Variants in SH3PXD2B observed in about 807,000 individuals in gnomAD.
SH3PXD2B encodes the protein SH3 and PX domains 2B.
In SH3PXD2B, 37 loss-of-function variants were observed where a neutral mutation model predicts 73.1. That is an observed-to-expected ratio of 0.51 (90% CI 0.39 to 0.67). The LOEUF (loss-of-function observed/expected upper bound fraction) is 0.67. Ranked by LOEUF, SH3PXD2B falls within the 30% of genes least tolerant of loss-of-function variation. SH3PXD2B has a pLI of 0.00. For missense variants in SH3PXD2B, 1,053 were observed against 1,197.8 expected (o/e 0.88, Z 1.78); for synonymous variants, 457 against 480.5 (o/e 0.95, Z 0.64).
In SH3PXD2B at chr5:172,384,758, G is replaced by A. The variant is rs534887600; in HGVS notation, c.310-2631C>T. Among the ~76,000 whole-genome samples the A allele has an allele frequency of 2.6e-5, 4 of 152,236 alleles. No individual in the cohort carries two copies. In the South Asian group the frequency reaches 6.2e-4, roughly 24 times the overall value. ...GCATTTTGCTTATCATTCACCTGTC[G>A]ATGGACACTTGGGTTGCCAACCCTA... On this transcript the variant is annotated intron_variant, in intron 4 of 12. Transcript: ENST00000311601.
At chr5:172,428,668 A>T (rs1022192919) in intron 1 of SH3PXD2B, among the ~76,000 whole-genome samples, 1 of 152,256 alleles carries the variant, frequency 6.6e-6, no homozygotes, top group African/African-American at 2.4e-5. Context: ...ATAGAGGGAC[A>T]ATCCAGTTAC....
chr5:172,376,004 C>T (rs1160962210), intron 5 of SH3PXD2B, among the ~76,000 whole-genome samples: 1 of 151,764 alleles, frequency 6.6e-6, no homozygotes. Flanking sequence ...CTCTTCATAT[C>T]CTTGACAATA....
chr5:172,368,453 TTA>T (rs773035950), intron 6 of SH3PXD2B, among the ~76,000 whole-genome samples: 25 of 79,996 alleles, frequency 3.1e-4, no homozygotes, highest in Non-Finnish European at 4.5e-4. Flanking sequence ...CTAAGAATGC[TTA>T]TATATATATA....
At chr5:172,349,157 A>G (rs1436016546) in intron 10 of SH3PXD2B, among the ~76,000 whole-genome samples, 1 of 152,286 alleles carries the variant, frequency 6.6e-6, no homozygotes, top group African/African-American at 2.4e-5. Flanking sequence ...CTGCCACAGC[A>G]TGTGAGAAAA....
Position 172,454,356 on chromosome 5 carries a change from C to A in SH3PXD2B, c.-4G>T, listed in dbSNP as rs1357185860. 6.6e-7 allele frequency: 1 copy of A among 1,505,112 alleles called. No homozygotes were observed. The highest frequency in any genetic ancestry group is 8.9e-7 in the Non-Finnish European group (1 of 1,128,330). The allele number at this position is 1,505,112 out of a possible 1,614,324, so 93.2% of individuals were successfully genotyped here. On this transcript the variant is annotated 5_prime_UTR_variant, in exon 1 of 13. Transcript: ENST00000311601. Reference sequence around the variant, plus strand: ...CGATGCTGCGCCGCGGCGGCATGGCCGCTCCTCCGCCCGCAGCGGGCCGAG... The same window carrying A: ...CGATGCTGCGCCGCGGCGGCATGGCAGCTCCTCCGCCCGCAGCGGGCCGAG...
intron 2 of SH3PXD2B, among the ~76,000 whole-genome samples, chr5:172,413,103 C>A (rs894501728): frequency 6.6e-6 from 1 of 152,202 alleles, no homozygotes; most frequent in African/African-American, 2.4e-5. Context: ...GGGTTTACCC[C>A]CTCAATATCA....
Position 172,338,688 on chromosome 5 carries a change from G to C in SH3PXD2B, c.2417C>G (p.Pro806Arg). The C allele has an allele frequency of 6.2e-7, 1 of 1,614,206 alleles. No homozygotes were observed. The highest frequency in any genetic ancestry group is 8.5e-7 in the Non-Finnish European group (1 of 1,180,038). Residue 806 changes from proline to arginine, a missense_variant, in exon 13 of 13, where the codon CCT becomes CGT. By Grantham distance (103) the Pro-to-Arg change is moderately radical. This residue lies in a region of SH3PXD2B where 587 missense variants were observed against 590.7 expected (regional missense o/e 0.99). Transcript: ENST00000311601. The surrounding 1 kb of genome is among the most constrained non-coding windows in gnomAD (Gnocchi z 5.1). ...GCCCCCCAAAGAGTTGGAGAGAAAA[G>C]GTTTGGCTTTTGGAGGGACGAGGAG... ...RALLVPPKAK[P>R]FLSNSLGGQD...
chr5:172,417,187 G>A (rs1007284641), intron 2 of SH3PXD2B, among the ~76,000 whole-genome samples: 3 of 152,184 alleles, frequency 2.0e-5, no homozygotes, highest in Non-Finnish European at 2.9e-5. Context: ...TGCTCTGTTA[G>A]TCTCCATGCA....
At chr5:172,362,913 A>T in intron 6 of SH3PXD2B, 44 bp from the exon 7 acceptor site, 1 of 1,612,932 alleles carries the variant, frequency 6.2e-7, no homozygotes, top group African/African-American at 1.3e-5. Context: ...CCACTCATGC[A>T]TGAAAGAGCA....
chr5:172,364,129 G>T (rs1416420343), intron 6 of SH3PXD2B, among the ~76,000 whole-genome samples: 2 of 152,130 alleles, frequency 1.3e-5, no homozygotes, highest in African/African-American at 4.8e-5. Flanking sequence ...ACAAATAAAT[G>T]AAAAGATAAT....
intron 1 of SH3PXD2B, among the ~76,000 whole-genome samples, chr5:172,434,003 A>G (rs1040933854): frequency 2.6e-5 from 4 of 152,210 alleles, no homozygotes; most frequent in Admixed American, 1.3e-4. Flanking sequence ...ATTTCCAAGC[A>G]GTAACAGCCA....
At chr5:172,349,700 T>C (rs1757115358) in intron 10 of SH3PXD2B, among the ~76,000 whole-genome samples, 1 of 152,170 alleles carries the variant, frequency 6.6e-6, no homozygotes, top group African/African-American at 2.4e-5. Flanking sequence ...ACAGAAAAAG[T>C]AGTAATTCCC....
chr5:172,370,600 G>A (rs754578150), intron 6 of SH3PXD2B, among the ~76,000 whole-genome samples: 9 of 152,184 alleles, frequency 5.9e-5, no homozygotes, highest in African/African-American at 7.2e-5. Flanking sequence ...CTGGGGCCAG[G>A]TCCAAGACTA....
chr5:172,405,008 C>T (rs956367691), intron 3 of SH3PXD2B, among the ~76,000 whole-genome samples: 2 of 152,278 alleles, frequency 1.3e-5, no homozygotes, highest in African/African-American at 4.8e-5. Context: ...GAGGAGCAAA[C>T]GAGGTAATGA....
At chr5:172,414,115 T>C (rs1468889412) in intron 2 of SH3PXD2B, among the ~76,000 whole-genome samples, 1 of 152,118 alleles carries the variant, frequency 6.6e-6, no homozygotes, top group Non-Finnish European at 1.5e-5. Context: ...TCTTAAAAAG[T>C]ACACTTGGGG....
intron 1 of SH3PXD2B, among the ~76,000 whole-genome samples, chr5:172,451,360 G>A (rs1057312885): frequency 6.6e-6 from 1 of 152,198 alleles, no homozygotes; most frequent in African/African-American, 2.4e-5. Context: ...GCAGTGGCTG[G>A]GGTGGGAATG....
chr5:172,426,718 CAG>C (rs969362327), intron 1 of SH3PXD2B, among the ~76,000 whole-genome samples: 2 of 152,160 alleles, frequency 1.3e-5, no homozygotes, highest in Non-Finnish European at 2.9e-5. Context: ...ATGGCAGTCT[CAG>C]GGGACAGACC....
At chr5:172,382,492 C>A (rs995217343) in intron 4 of SH3PXD2B, among the ~76,000 whole-genome samples, 1 of 150,892 alleles carries the variant, frequency 6.6e-6, no homozygotes, top group Non-Finnish European at 1.5e-5. Flanking sequence ...AGTAGTTCTG[C>A]GGAGGGGGCT....
In SH3PXD2B at chr5:172,415,162, G is replaced by A. The variant is rs1264296087; in HGVS notation, c.156+7254C>T. On this transcript the variant is annotated intron_variant, in intron 2 of 12. Transcript: ENST00000311601. ...GGTCTAGGTTAGCAAATGTTTAACT[G>A]CGCCTTCTGTGAGGGAAGCCCTGGC... Among the ~76,000 whole-genome samples the A allele has an allele frequency of 3.9e-5, 6 of 152,302 alleles. No individual in the cohort carries two copies. The South Asian group carries it at 1.0e-3, about 26-fold the overall frequency.
Sources: gnomAD v4.1 joint callset for allele counts (sites outside exome capture counted in the v4.1 genomes callset) on GRCh38, gnomAD v4.1.1 for gene constraint, gnomAD v4.1.1 regional missense constraint, Gnocchi (gnomAD v3.1) non-coding constraint, MANE v1.5 for transcripts, NCBI Gene and HGNC (gene_info 2026-07-23, HGNC 2026-07-21) for gene names.